The following CLVS1 variants were observed in gnomAD, a reference collection of about 807,000 sequenced individuals.
CLVS1 encodes the protein clavesin-1.
CLVS1 carries 10 observed loss-of-function variants against 33.1 expected under a neutral mutation model. The ratio of observed to expected loss-of-function variants is 0.30; its 90% CI spans 0.19 to 0.51. The LOEUF (loss-of-function observed/expected upper bound fraction) is 0.51. CLVS1 is among the 20% of genes least tolerant of loss of function. The pLI is 0.97. For synonymous variants in CLVS1, 163 were observed against 166.1 expected (o/e 0.98, Z 0.14); for missense variants, 343 against 433.4 (o/e 0.79, Z 1.85).
At chr8:61,012,484 C>G in the CLVS1 span, among the ~76,000 whole-genome samples, 1 of 152,146 alleles carries the variant, frequency 6.6e-6, no homozygotes, top group African/African-American at 2.4e-5. Flanking sequence ...AGATACAGCC[C>G]GAGAGTGATG....
At chr8:61,074,312 T>C (rs975706011) in intron 1 of CLVS1, among the ~76,000 whole-genome samples, 20 of 148,984 alleles carry the variant, frequency 1.3e-4, no homozygotes, top group African/African-American at 3.7e-4. Context: ...CATTCCAGCA[T>C]GGTCAACAGA....
intron 3 of CLVS1, among the ~76,000 whole-genome samples, chr8:61,382,570 T>C (rs1813924664): frequency 1.3e-5 from 2 of 152,312 alleles, no homozygotes; most frequent in South Asian, 2.1e-4. Flanking sequence ...TGCATGCATA[T>C]TAAAGTTTGA....
At chr8:61,259,937 C>T (rs1809165387) in intron 2 of CLVS1, among the ~76,000 whole-genome samples, 1 of 152,228 alleles carries the variant, frequency 6.6e-6, no homozygotes, top group African/African-American at 2.4e-5. Context: ...CTTACATTTC[C>T]TCCTTTATCC....
At chr8:61,002,950 C>T in the CLVS1 span, among the ~76,000 whole-genome samples, 2 of 152,206 alleles carry the variant, frequency 1.3e-5, no homozygotes, top group African/African-American at 4.8e-5. Flanking sequence ...TTTGCTTTTG[C>T]AGGTGTGTCT....
chr8:61,234,585 G>A (rs1200291563), intron 2 of CLVS1, among the ~76,000 whole-genome samples: 1 of 152,084 alleles, frequency 6.6e-6, no homozygotes, highest in African/African-American at 2.4e-5. Flanking sequence ...TGCACCCTCA[G>A]GTCCACCCTA....
chr8:61,347,651 TA>T (rs1812271875), intron 2 of CLVS1, among the ~76,000 whole-genome samples: 1 of 102,838 alleles, frequency 9.7e-6, no homozygotes, highest in African/African-American at 3.9e-5. Flanking sequence ...TATATATATA[TA>T]TATATATATA....
At chr8:61,080,230 A>T (rs545062467) in intron 1 of CLVS1, among the ~76,000 whole-genome samples, 3 of 152,342 alleles carry the variant, frequency 2.0e-5, no homozygotes, top group South Asian at 2.1e-4. Flanking sequence ...TTGGAACGAT[A>T]AAAAAACACT....
At chr8:61,303,277 G>A (rs1394587283) in intron 2 of CLVS1, among the ~76,000 whole-genome samples, 1 of 152,088 alleles carries the variant, frequency 6.6e-6, no homozygotes, top group Admixed American at 6.6e-5. Context: ...GTTAAGAAGA[G>A]GAAACAAATC....
At chr8:61,442,477 A>C (rs149704009) in intron 3 of CLVS1, among the ~76,000 whole-genome samples, 220 of 152,330 alleles carry the variant, frequency 1.4e-3, no homozygotes, top group African/African-American at 5.1e-3. Context: ...TTGCTGGGTC[A>C]TATGGTCATT....
At chr8:61,274,844 C>T in intron 2 of CLVS1, among the ~76,000 whole-genome samples, 1 of 152,138 alleles carries the variant, frequency 6.6e-6, no homozygotes, top group East Asian at 1.9e-4. Context: ...CATGTTACAA[C>T]TCTGTCCATT....
intron 2 of CLVS1, among the ~76,000 whole-genome samples, chr8:61,247,333 A>G (rs1409673108): frequency 6.6e-6 from 1 of 152,214 alleles, no homozygotes; most frequent in Non-Finnish European, 1.5e-5. Flanking sequence ...TTGCTGTGTC[A>G]AATGGTAGTT....
chr8:61,148,758 A>T (rs768438141), intron 2 of CLVS1, among the ~76,000 whole-genome samples: 10 of 152,208 alleles, frequency 6.6e-5, no homozygotes, highest in Non-Finnish European at 1.3e-4. Flanking sequence ...TCAGAGAGAC[A>T]TTGCTAAACA....
At chr8:61,147,701 AG>A (rs1286246740) in intron 2 of CLVS1, among the ~76,000 whole-genome samples, 2 of 152,214 alleles carry the variant, frequency 1.3e-5, no homozygotes, top group Non-Finnish European at 2.9e-5. Flanking sequence ...AATATTTCTC[AG>A]GGATAAGAAT....
intron 2 of CLVS1, among the ~76,000 whole-genome samples, chr8:61,325,456 T>C (rs951833573): frequency 5.9e-5 from 9 of 152,176 alleles, no homozygotes; most frequent in African/African-American, 2.2e-4. Flanking sequence ...TCTATTTTGT[T>C]CCAAGCTATT....
intron 2 of CLVS1, among the ~76,000 whole-genome samples, chr8:61,330,473 T>C (rs151272838): frequency 3.9e-5 from 6 of 152,310 alleles, no homozygotes; most frequent in African/African-American, 1.2e-4. Flanking sequence ...GCTGGAGGTC[T>C]TCTCACTCCT....
intron 5 of CLVS1, among the ~76,000 whole-genome samples, chr8:61,463,833 G>A (rs1209656276): frequency 6.6e-6 from 1 of 151,996 alleles, no homozygotes; most frequent in Non-Finnish European, 1.5e-5. Flanking sequence ...TTGGGAGACC[G>A]AGGCAGGAGA....
At chr8:61,396,232 T>C (rs551260566) in intron 3 of CLVS1, among the ~76,000 whole-genome samples, 2 of 152,338 alleles carry the variant, frequency 1.3e-5, no homozygotes, top group African/African-American at 4.8e-5. Flanking sequence ...TTTAATTCAT[T>C]CACAAGTTTT....
intron 2 of CLVS1, among the ~76,000 whole-genome samples, chr8:61,164,725 C>G (rs556587571): frequency 6.6e-6 from 1 of 152,270 alleles, no homozygotes; most frequent in South Asian, 2.1e-4. Flanking sequence ...GAGGTTTTCT[C>G]TTTGTTGGAA....
intron 1 of CLVS1, among the ~76,000 whole-genome samples, chr8:61,103,497 T>C (rs1805485385): frequency 6.6e-6 from 1 of 152,224 alleles, no homozygotes; most frequent in Non-Finnish European, 1.5e-5. Flanking sequence ...TAAATATCTT[T>C]GGGGTCCATG....
Sources: allele counts gnomAD v4.1 joint callset (sites outside exome capture counted in the v4.1 genomes callset), GRCh38; gene constraint gnomAD v4.1.1; transcripts MANE v1.5; gene names NCBI Gene and HGNC (gene_info 2026-07-23, HGNC 2026-07-21).